The following XPC variants were observed in gnomAD, a reference collection of about 807,000 sequenced individuals.
XPC encodes the protein DNA repair protein complementing XP-C cells.
Under a neutral mutation model 95.8 loss-of-function variants are expected in XPC, and 76 were observed. The observed-to-expected ratio is 0.79, with a 90% CI of 0.66 to 0.96. The LOEUF is 0.96. Ranked by LOEUF, XPC falls within the 40% of genes least tolerant of loss-of-function variation. The probability of loss-of-function intolerance (pLI) is 0.00; values close to 1 mark genes in which losing one functional copy is unlikely to be tolerated. For missense variants in XPC, 1,146 were observed against 1,179.8 expected, an observed-to-expected ratio of 0.97 and a Z score of 0.42; for synonymous variants, 442 against 442.1, an observed-to-expected ratio of 1.00 and a Z score of 0.00.
At chr3:14,147,733 G>A (rs534856952) in intron 14 of XPC, 175 bp downstream of exon 14, 33 of 625,942 alleles carry the variant, frequency 5.3e-5, no homozygotes, top group Non-Finnish European at 6.4e-5. Context: ...GATAGTCTGC[G>A]GGGTGGGCAG....
At chr3:14,174,892 T>G (rs780357623) in intron 1 of XPC, among the ~76,000 whole-genome samples, 1 of 152,016 alleles carries the variant, frequency 6.6e-6, no homozygotes, top group Non-Finnish European at 1.5e-5. Context: ...AGAGACTCTT[T>G]TCCAGGACTC....
Position 14,145,852 on chromosome 3 carries a change from C to A in XPC, c.*89G>T. 1 of 1,501,996 alleles carries A rather than the reference C, an allele frequency of 6.7e-7. No homozygotes were observed. Among genetic ancestry groups the A allele is most frequent in the Non-Finnish European group, 9.1e-7 (1 of 1,099,030 alleles). The allele number at this position is 1,501,996 out of a possible 1,614,324, so 93.0% of individuals were successfully genotyped here. A position where few individuals can be genotyped will look rare whatever the true frequency, so the allele number is the denominator to read the frequency against. Reference sequence around the variant, plus strand: ...TGCCTTCTCAGCAGAGAAGCCCCCACCACCAGGGGCTGGGCATGCCCAGGG... The same window carrying A: ...TGCCTTCTCAGCAGAGAAGCCCCCAACACCAGGGGCTGGGCATGCCCAGGG... On this transcript the variant is annotated 3_prime_UTR_variant, in exon 16 of 16. Coordinates refer to ENST00000285021, the MANE Select transcript of XPC (RefSeq NM_004628.5).
Position 14,145,513 on chromosome 3 carries a change from C to T in XPC, c.*428G>A, listed in dbSNP as rs886058046. 6 of 698,872 alleles carry T rather than the reference C, an allele frequency of 8.6e-6. No homozygotes were observed. Among genetic ancestry groups the T allele is most frequent in the African/African-American group, 1.8e-5 (1 of 57,076 alleles). 43.3% of individuals were successfully genotyped at this position (698,872 alleles called of 1,614,324 possible). A position where few individuals can be genotyped will look rare whatever the true frequency, so the allele number is the denominator to read the frequency against. Reference sequence around the variant, plus strand: ...CCGCAACCGAGGCGAGTGAACTTGTCGGACAGATGAAGACTCTAACTGGAA... The same window carrying T: ...CCGCAACCGAGGCGAGTGAACTTGTTGGACAGATGAAGACTCTAACTGGAA... On this transcript the variant is annotated 3_prime_UTR_variant, in exon 16 of 16. Coordinates refer to ENST00000285021, the MANE Select transcript of XPC (RefSeq NM_004628.5).
intron 4 of XPC, 58 bp downstream of exon 4, chr3:14,168,199 G>C: frequency 6.5e-7 from 1 of 1,545,354 alleles, no homozygotes; most frequent in Non-Finnish European, 8.7e-7. Flanking sequence ...GTCCTCCTAA[G>C]CAGCAGCTGT....
Position 14,157,985 on chromosome 3 carries a change from G to A in XPC, c.1872+26C>T, listed in dbSNP as rs192320527. On this transcript the variant is annotated intron_variant, in intron 9 of 15. Coordinates refer to ENST00000285021, the MANE Select transcript of XPC (RefSeq NM_004628.5). ...AATTTTAATAACCTGACTGTGTCTT[G>A]GAGCCCCTGGCAGCCAAGGCCTTAC... 65 of 1,575,412 alleles carry A rather than the reference G, an allele frequency of 4.1e-5. 1 individual carries two copies. The African/African-American group carries it at 6.6e-4, about 16-fold the overall frequency.
chr3:14,155,658 C>T (rs967078572), intron 10 of XPC, among the ~76,000 whole-genome samples: 5 of 151,992 alleles, frequency 3.3e-5, no homozygotes, highest in African/African-American at 9.7e-5. Flanking sequence ...CCCGGGTTCA[C>T]GCCATTCTCC....
In XPC at chr3:14,178,516, C is replaced by G; in HGVS notation, c.53G>C (p.Ser18Thr). 1 of 1,612,880 alleles carries G rather than the reference C, an allele frequency of 6.2e-7. No homozygotes were observed. The highest frequency in any genetic ancestry group is 1.1e-5 in the South Asian group (1 of 91,060). ...GGEPRGRELR[S>T]QKSKAKSKAR... is the part of the protein sequence containing the mutation. The stretch of plus-strand genomic sequence containing the variant: ...CTTGCTCTTGGCCTTGGATTTCTGG[C>G]TGCGCAGTTCGCGTCCCCGCGGCTC... The change falls in exon 1 of 16, where the codon AGC becomes ACC. Residue 18 changes from serine (S) to threonine (T), a missense_variant. Transcript: ENST00000285021.
chr3:14,171,776 T>C (rs1453362774), intron 2 of XPC, among the ~76,000 whole-genome samples: 3 of 152,072 alleles, frequency 2.0e-5, no homozygotes, highest in African/African-American at 7.2e-5. Context: ...TGAGCCAAGA[T>C]TGCATCACTA....
At chr3:14,170,723 CTCA>C in intron 2 of XPC, 173 bp from the exon 3 acceptor site, 1 of 502,632 alleles carries the variant, frequency 2.0e-6, no homozygotes, top group Non-Finnish European at 3.5e-6. Context: ...TGTTCCAAAT[CTCA>C]TCAAGATGTG....
intron 8 of XPC, 135 bp from the exon 9 acceptor site, chr3:14,159,027 G>T: frequency 8.7e-7 from 1 of 1,149,542 alleles, no homozygotes; most frequent in Non-Finnish European, 1.2e-6. Flanking sequence ...AGCTCAGACA[G>T]TGATCAACCA....
chr3:14,151,457 G>A (rs1695685580), intron 11 of XPC: 1 of 152,228 alleles, frequency 6.6e-6, no homozygotes, highest in Non-Finnish European at 1.5e-5. Context: ...ATGGTGCAGA[G>A]AAAATCCTCA....
chr3:14,174,216 A>G (rs1410544806), intron 1 of XPC, among the ~76,000 whole-genome samples: 1 of 152,218 alleles, frequency 6.6e-6, no homozygotes, highest in Admixed American at 6.5e-5. Context: ...TTGTATGGAA[A>G]CCAAAAAATA....
chr3:14,147,641 A>G, intron 14 of XPC: 4 of 602,290 alleles, frequency 6.6e-6, no homozygotes, highest in Admixed American at 3.0e-5. Context: ...GAACCTGGAC[A>G]CAGGCAATTC....
chr3:14,152,928 C>A (rs998546187), intron 10 of XPC: 1 of 152,512 alleles, frequency 6.6e-6, no homozygotes, highest in African/African-American at 2.4e-5. Context: ...AATCAAGACA[C>A]CTGCACATGG....
At chr3:14,172,308 A>G (rs938805679) in intron 2 of XPC, among the ~76,000 whole-genome samples, 2 of 152,020 alleles carry the variant, frequency 1.3e-5, no homozygotes, top group Middle Eastern at 3.2e-3. Context: ...GACATATCAC[A>G]CTCCCTAGAA....
chr3:14,157,876 A>G (rs1391034772), intron 9 of XPC, 135 bp downstream of exon 9: 2 of 1,285,706 alleles, frequency 1.6e-6, no homozygotes, highest in Admixed American at 2.5e-5. Context: ...CCAGCTTTAT[A>G]TGGCTGTGAC....
At position 14,148,013 on chromosome 3, in the gene XPC, C is replaced by T. The variant is rs775713103; in HGVS notation, c.2421-12G>A. ...TGTATCCATCAGTCCTGTGGGGACA[C>T]AACGCGATGTCAACCCTCGAACCTG... is the stretch of plus-strand genomic sequence containing the variant. On this transcript the variant is annotated splice_polypyrimidine_tract_variant and intron_variant, in intron 13 of 15. Coordinates refer to ENST00000285021, the MANE Select transcript of XPC (RefSeq NM_004628.5). 1.3e-6 allele frequency: 2 copies of T among 1,563,754 alleles called. No homozygotes were observed. The highest frequency in any genetic ancestry group is 3.8e-5 in the Admixed American group (2 of 53,234).
At chr3:14,171,295 A>T (rs1358574519) in intron 2 of XPC, among the ~76,000 whole-genome samples, 1 of 152,220 alleles carries the variant, frequency 6.6e-6, no homozygotes, top group East Asian at 1.9e-4. Context: ...ATAACCAATC[A>T]TCAATCTTGA....
rs777329902 is a variant in XPC, at chr3:14,165,521, A to G, written c.686T>C (p.Leu229Pro). The G allele has an allele frequency of 1.9e-6, 3 of 1,611,852 alleles. No homozygotes were observed. The East Asian group carries it at 6.7e-5, about 36-fold the overall frequency. Reference sequence around the variant, plus strand: ...GATGATGGACAGGCCAATAGCATGCAGATCTGGCTGGCTGCAGATGTTATT... The same window carrying G: ...GATGATGGACAGGCCAATAGCATGCGGATCTGGCTGGCTGCAGATGTTATT... ...YRNNICSQPD[L>P]HAIGLSIIPA... Residue 229 changes from leucine (L) to proline (P), a missense_variant, in exon 6 of 16, where the codon CTG (leucine) becomes CCG (proline). Leu to Pro is a moderately conservative substitution (Grantham distance 98). Transcript: ENST00000285021.
Sources: gnomAD v4.1 joint callset for allele counts (sites outside exome capture counted in the v4.1 genomes callset) on GRCh38, gnomAD v4.1.1 for gene constraint, MANE v1.5 for transcripts, NCBI Gene and HGNC (gene_info 2026-07-23, HGNC 2026-07-21) for gene names.